The following YEATS2 variants were observed in gnomAD, a reference collection of about 807,000 sequenced individuals.
YEATS2 encodes the protein YEATS domain containing 2.
Under a neutral mutation model 163.2 loss-of-function variants are expected in YEATS2, and 77 were observed. That is an observed-to-expected ratio of 0.47 (90% CI 0.39 to 0.57). The LOEUF (loss-of-function observed/expected upper bound fraction) is 0.57. Ranked by LOEUF, YEATS2 falls within the 20% of genes least tolerant of loss-of-function variation. YEATS2 has a pLI of 0.00. For missense variants in YEATS2, 1,549 were observed against 1,729.8 expected, an observed-to-expected ratio of 0.90 and a Z score of 1.85; for synonymous variants, 631 against 645.1, an observed-to-expected ratio of 0.98 and a Z score of 0.33.
chr3:183,720,986 T>A (rs1716432748), intron 4 of YEATS2, among the ~76,000 whole-genome samples: 1 of 152,234 alleles, frequency 6.6e-6, no homozygotes, highest in African/African-American at 2.4e-5. Flanking sequence ...GAGGAGGACT[T>A]CATTGACTTC....
Position 183,709,116 on chromosome 3 carries a change from T to C in YEATS2, c.-19-6028T>C, listed in dbSNP as rs368555079. ...CAGAGGTTGCAGTGAGCCAAGATCA[T>C]GCCATTGCAGTCCAGCCTGGGCGAC... On this transcript the variant is annotated intron_variant, in intron 1 of 30. Transcript: ENST00000305135. 2.6e-4 allele frequency among the ~76,000 whole-genome samples: 39 copies of C among 151,026 alleles called. 1 individual carries two copies. In the East Asian group the frequency reaches 5.2e-3, roughly 20 times the overall value.
At chr3:183,741,666 C>T (rs879586286) in intron 8 of YEATS2, among the ~76,000 whole-genome samples, 2 of 152,026 alleles carry the variant, frequency 1.3e-5, no homozygotes, top group Non-Finnish European at 2.9e-5. Context: ...CCTGTAGTCC[C>T]AGCTACTAGG....
intron 8 of YEATS2, among the ~76,000 whole-genome samples, chr3:183,739,119 A>G (rs1718679565): frequency 6.6e-6 from 1 of 151,986 alleles, no homozygotes; most frequent in Admixed American, 6.6e-5. Context: ...ATGATATCTC[A>G]TAGTGGTTTT....
rs1274566813 is a variant in YEATS2, at chr3:183,727,681, A to G, written c.651-1009A>G. Among the ~76,000 whole-genome samples the G allele has an allele frequency of 2.0e-5, 3 of 152,206 alleles. No individual in the cohort carries two copies. The East Asian group carries it at 5.8e-4, about 29-fold the overall frequency. On this transcript the variant is annotated intron_variant, in intron 6 of 30. Transcript: ENST00000305135. ...TAAGAAGGGGGCCTCATACTGAAAT[A>G]AAGACAGGGCCCATAAAGGGGAGCG...
chr3:183,713,654 C>CT (rs1239805195), intron 1 of YEATS2, among the ~76,000 whole-genome samples: 1 of 152,206 alleles, frequency 6.6e-6, no homozygotes, highest in Non-Finnish European at 1.5e-5. Flanking sequence ...CAGCACTGGT[C>CT]TGGATGATAT....
intron 18 of YEATS2, among the ~76,000 whole-genome samples, chr3:183,776,388 A>G (rs994172868): frequency 6.6e-6 from 1 of 151,874 alleles, no homozygotes; most frequent in Non-Finnish European, 1.5e-5. Context: ...TACTAAAAAT[A>G]CCAAAATTAG....
chr3:183,774,725 A>T (rs1340619616), intron 17 of YEATS2, among the ~76,000 whole-genome samples: 1 of 152,230 alleles, frequency 6.6e-6, no homozygotes, highest in Non-Finnish European at 1.5e-5. Flanking sequence ...AGGGTACAGC[A>T]TTCAGGGTCA....
At position 183,720,923 on chromosome 3, in the gene YEATS2, C is replaced by G. The variant is rs531064005; in HGVS notation, c.292-968C>G. On this transcript the variant is annotated intron_variant, in intron 4 of 30. Transcript: ENST00000305135. ...TGTCAATGATGTGGCTGTTTTCCCT[C>G]TGTGTGTGTCTTCTCTGTGTGTCTG... Among the ~76,000 whole-genome samples the G allele has an allele frequency of 1.1e-3, 163 of 152,268 alleles. 4 individuals are homozygous for G. Among genetic ancestry groups the G allele is most frequent in the Middle Eastern group, 3.4e-3 (1 of 294 alleles).
At chr3:183,750,371 A>C (rs966679349) in intron 9 of YEATS2, among the ~76,000 whole-genome samples, 2 of 152,208 alleles carry the variant, frequency 1.3e-5, no homozygotes, top group Non-Finnish European at 2.9e-5. Context: ...GGCTGTTGTT[A>C]ATAGTGCTGC....
At chr3:183,743,295 TTTGG>T (rs1462237259) in intron 8 of YEATS2, among the ~76,000 whole-genome samples, 4 of 152,192 alleles carry the variant, frequency 2.6e-5, no homozygotes, top group Non-Finnish European at 5.9e-5. Context: ...ATGCCCTGTT[TTTGG>T]TTGGTTTTCT....
chr3:183,786,022 G>T, intron 19 of YEATS2, 103 bp from the exon 20 acceptor site: 1 of 1,349,564 alleles, frequency 7.4e-7, no homozygotes. Context: ...GACTTTCTTG[G>T]TTATTCTCCA....
chr3:183,770,287 G>A (rs545245987), intron 15 of YEATS2, among the ~76,000 whole-genome samples: 11 of 152,002 alleles, frequency 7.2e-5, no homozygotes, highest in Admixed American at 3.9e-4. Context: ...GGGAGACTGA[G>A]GCAGGAGAAT....
chr3:183,728,659 G>T lies in YEATS2; in HGVS notation c.651-31G>T, dbSNP rs377610628. 6.0e-5 allele frequency: 91 copies of T among 1,515,922 alleles called. 1 individual carries two copies. The highest frequency in any genetic ancestry group is 5.7e-4 in the South Asian group (42 of 73,592). 93.9% of individuals were successfully genotyped at this position (1,515,922 alleles called of 1,614,324 possible). A position where few individuals can be genotyped will look rare whatever the true frequency, so the allele number is the denominator to read the frequency against. ...TAGTTAGGTTTTTGAAGGACGAAAA[G>T]AATTCAGGTTTCTTTTTTCTTCTTC... On this transcript the variant is annotated intron_variant, in intron 6 of 30. Transcript: ENST00000305135.
intron 8 of YEATS2, 57 bp from the exon 9 acceptor site, chr3:183,747,615 G>T: frequency 6.8e-7 from 1 of 1,461,306 alleles, no homozygotes; most frequent in Non-Finnish European, 9.6e-7. Context: ...TGTATCCTAT[G>T]ATAATATGTA....
At chr3:183,763,073 T>TA (rs34593843) in intron 15 of YEATS2, among the ~76,000 whole-genome samples, 104,034 of 148,842 alleles carry the variant, frequency 0.7, 36,996 homozygotes, top group African/African-American at 0.84. Context: ...ATTAAAAAAT[T>TA]AAAAAAAAAA....
At chr3:183,799,817 GTTTTTTTTTTTTTTCTT>G (rs954879833) in intron 23 of YEATS2, among the ~76,000 whole-genome samples, 1 of 133,052 alleles carries the variant, frequency 7.5e-6, no homozygotes, top group African/African-American at 2.8e-5. Flanking sequence ...GAGTAGCATT[GTTTTTTTTTTTTTTCTT>G]TTTTTTTTTT....
At chr3:183,755,485 T>C (rs898553763) in intron 11 of YEATS2, among the ~76,000 whole-genome samples, 18 of 152,216 alleles carry the variant, frequency 1.2e-4, no homozygotes, top group African/African-American at 4.1e-4. Flanking sequence ...TGGAATAGGC[T>C]GAACATATAA....
At chr3:183,803,753 G>A (rs1725910241) in intron 26 of YEATS2, 6 of 549,906 alleles carry the variant, frequency 1.1e-5, no homozygotes, top group Non-Finnish European at 1.9e-5. Context: ...GAGCGCAGGT[G>A]GAGACCAGGT....
At position 183,812,277 on chromosome 3, in the gene YEATS2, A is replaced by G. The variant is rs1656611333; in HGVS notation, c.*1694A>G. ...TTCAGCATCTGAGGGCTGCAAGTAC[A>G]GAAGGAATCTATTCTCAGCAGGGCA... On this transcript the variant is annotated 3_prime_UTR_variant, in exon 31 of 31. Coordinates refer to ENST00000305135, the MANE Select transcript of YEATS2 (RefSeq NM_018023.5). 1 of 152,294 alleles carries G rather than the reference A, an allele frequency of 6.6e-6. No individual in the cohort carries two copies. Among genetic ancestry groups the G allele is most frequent in the East Asian group, 1.9e-4 (1 of 5,200 alleles). 9.4% of individuals were successfully genotyped at this position (152,294 alleles called of 1,614,324 possible).
Sources: allele counts gnomAD v4.1 joint callset (sites outside exome capture counted in the v4.1 genomes callset), GRCh38; gene constraint gnomAD v4.1.1; transcripts MANE v1.5; gene names NCBI Gene and HGNC (gene_info 2026-07-23, HGNC 2026-07-21).